Variants in KANK1 observed in about 807,000 individuals in gnomAD.
KANK1 encodes KN motif and ankyrin repeat domains 1.
In KANK1, 109 loss-of-function variants were observed where a neutral mutation model predicts 106.2. That is an observed-to-expected ratio of 1.03 (90% CI 0.88 to 1.20). The LOEUF (loss-of-function observed/expected upper bound fraction) is 1.20, where lower values mean the gene tolerates loss of function less well. Among genes scored for constraint, KANK1 ranks in the 50% most tolerant of loss-of-function variants. KANK1 has a pLI of 0.00. For synonymous variants in KANK1, 873 were observed against 652.2 expected, an observed-to-expected ratio of 1.34 and a Z score of -5.16; for missense variants, 2,399 against 1,710.7, an observed-to-expected ratio of 1.40 and a Z score of -7.10.
At chr9:623,826 T>A (rs1833748460) in intron 1 of KANK1, among the ~76,000 whole-genome samples, 1 of 152,132 alleles carries the variant, frequency 6.6e-6, no homozygotes, top group Non-Finnish European at 1.5e-5. Flanking sequence ...TGGACATTGG[T>A]ATGGAAGTTT....
At chr9:635,285 C>T (rs1381377775) in intron 1 of KANK1, among the ~76,000 whole-genome samples, 1 of 152,118 alleles carries the variant, frequency 6.6e-6, no homozygotes, top group Non-Finnish European at 1.5e-5. Context: ...GGCCTATACC[C>T]GAGTTCGCTT....
In KANK1 at chr9:540,282, G is replaced by C. The variant is rs562628563; in HGVS notation, c.-84+35528G>C. Among the ~76,000 whole-genome samples the C allele has an allele frequency of 4.6e-5, 7 of 152,300 alleles. No individual in the cohort carries two copies. In the South Asian group the frequency reaches 1.4e-3, roughly 32 times the overall value. On this transcript the variant is annotated intron_variant, in intron 1 of 11. Coordinates refer to ENST00000382297, the MANE Select transcript of KANK1 (RefSeq NM_015158.5). ...TTCAAATGATTTTTATACATCTATTGAGATGATCCCTTGATTTTTATCCTC... is the reference window on the plus strand; with the variant it reads ...TTCAAATGATTTTTATACATCTATTCAGATGATCCCTTGATTTTTATCCTC...
At chr9:667,135 G>A (rs1184548791) in intron 1 of KANK1, among the ~76,000 whole-genome samples, 1 of 151,670 alleles carries the variant, frequency 6.6e-6, no homozygotes, top group Non-Finnish European at 1.5e-5. Flanking sequence ...CTTGCTATTG[G>A]TTTGTCGAGG....
chr9:617,596 G>T (rs1473734556), intron 1 of KANK1, among the ~76,000 whole-genome samples: 1 of 152,156 alleles, frequency 6.6e-6, no homozygotes, highest in Admixed American at 6.5e-5. Flanking sequence ...AGAGCCAGCT[G>T]CTCTTCTTTC....
At chr9:644,695 C>G (rs1030088997) in intron 1 of KANK1, among the ~76,000 whole-genome samples, 1 of 150,922 alleles carries the variant, frequency 6.6e-6, no homozygotes, top group Non-Finnish European at 1.5e-5. Flanking sequence ...CCACTAGGCC[C>G]CACCTTCAAC....
At chr9:671,925 G>C (rs929117146) in intron 1 of KANK1, among the ~76,000 whole-genome samples, 2 of 152,042 alleles carry the variant, frequency 1.3e-5, no homozygotes, top group Non-Finnish European at 2.9e-5. Context: ...TCCAGCCTGG[G>C]CTACAGAGCA....
intron 1 of KANK1, among the ~76,000 whole-genome samples, chr9:667,249 G>C (rs1390822604): frequency 6.6e-6 from 1 of 151,650 alleles, no homozygotes; most frequent in Admixed American, 6.6e-5. Context: ...ATGATTCTTT[G>C]TACTCCTATG....
At chr9:742,538 G>A in intron 10 of KANK1, 133 bp downstream of exon 10, 2 of 656,918 alleles carry the variant, frequency 3.0e-6, no homozygotes, top group Admixed American at 3.0e-5. Context: ...CCATCTAGGT[G>A]CCTCCCTTCA....
intron 1 of KANK1, among the ~76,000 whole-genome samples, chr9:521,077 T>C (rs573913627): frequency 2.0e-5 from 3 of 151,938 alleles, no homozygotes; most frequent in East Asian, 1.9e-4. Context: ...ATGAAACTGA[T>C]GAACTGTTGC....
chr9:698,225 G>A (rs1227874206), intron 2 of KANK1, among the ~76,000 whole-genome samples: 1 of 152,146 alleles, frequency 6.6e-6, no homozygotes, highest in African/African-American at 2.4e-5. Flanking sequence ...GGTCGGTGTT[G>A]TCTTAGCCTC....
At chr9:564,409 C>G (rs1183509397) in intron 1 of KANK1, among the ~76,000 whole-genome samples, 1 of 152,124 alleles carries the variant, frequency 6.6e-6, no homozygotes, top group African/African-American at 2.4e-5. Context: ...CTTTTTCTCA[C>G]CAGACACCCT....
At chr9:699,328 G>C (rs1465699172) in intron 2 of KANK1, among the ~76,000 whole-genome samples, 1 of 152,178 alleles carries the variant, frequency 6.6e-6, no homozygotes, top group Non-Finnish European at 1.5e-5. Flanking sequence ...GCCGTGTTTG[G>C]CCTATTGCAG....
chr9:666,789 C>T (rs935789035), intron 1 of KANK1, among the ~76,000 whole-genome samples: 1 of 151,990 alleles, frequency 6.6e-6, no homozygotes, highest in African/African-American at 2.4e-5. Context: ...GGGTGAATCC[C>T]ACTTGATAAT....
intron 2 of KANK1, among the ~76,000 whole-genome samples, chr9:691,606 C>A (rs963488504): frequency 1.5e-5 from 1 of 68,256 alleles, no homozygotes; most frequent in Non-Finnish European, 3.1e-5. Context: ...CTAAATAATA[C>A]CAGAATTTTT....
At chr9:730,373 G>T in intron 4 of KANK1, 125 bp downstream of exon 4, 1 of 1,017,080 alleles carries the variant, frequency 9.8e-7, no homozygotes, top group Non-Finnish European at 1.5e-6. Context: ...TATTTGGAAG[G>T]TAGGCCCAGA....
chr9:496,550 C>A (rs1169548469), intron 3 of KANK1, among the ~76,000 whole-genome samples: 4 of 151,904 alleles, frequency 2.6e-5, no homozygotes, highest in African/African-American at 9.7e-5. Flanking sequence ...GAGCAAGACT[C>A]CATCTCAAAA....
At chr9:663,554 T>C (rs62530115) in intron 1 of KANK1, among the ~76,000 whole-genome samples, 18,185 of 152,306 alleles carry the variant, frequency 0.12, 1,473 homozygotes, top group Admixed American at 0.16. Flanking sequence ...CTGATTTTCA[T>C]TCTGATGCTC....
chr9:665,696 A>G (rs1178926251), intron 1 of KANK1, among the ~76,000 whole-genome samples: 2 of 152,198 alleles, frequency 1.3e-5, no homozygotes, highest in African/African-American at 4.8e-5. Flanking sequence ...TCTATGGGGA[A>G]TATTGTTGGT....
chr9:580,262 C>T (rs557419876), intron 1 of KANK1, among the ~76,000 whole-genome samples: 1 of 152,080 alleles, frequency 6.6e-6, no homozygotes, highest in Non-Finnish European at 1.5e-5. Context: ...TCGCTGGCCT[C>T]AGGAGTGAAG....
Sources: gnomAD v4.1 joint callset for allele counts (sites outside exome capture counted in the v4.1 genomes callset) on GRCh38, gnomAD v4.1.1 for gene constraint, MANE v1.5 for transcripts, NCBI Gene and HGNC (gene_info 2026-07-23, HGNC 2026-07-21) for gene names.